Variants in CC2D2B observed in about 807,000 individuals in gnomAD.
CC2D2B encodes coiled-coil and C2 domain containing 2B, also known as protein CC2D2B.
CC2D2B carries 128 observed loss-of-function variants against 161.2 expected under a neutral mutation model. The observed-to-expected ratio is 0.79, with a 90% CI of 0.69 to 0.92. The LOEUF is 0.92. CC2D2B is among the 40% of genes least tolerant of loss of function. The probability of loss-of-function intolerance (pLI) is 0.00; values close to 1 mark genes in which losing one functional copy is unlikely to be tolerated. For missense variants in CC2D2B, 1,173 were observed against 1,375.1 expected (o/e 0.85, Z 2.32); for synonymous variants, 391 against 449.8 (o/e 0.87, Z 1.65).
At chr10:95,962,197 G>A (rs2076783851) in intron 12 of CC2D2B, among the ~76,000 whole-genome samples, 1 of 151,858 alleles carries the variant, frequency 6.6e-6, no homozygotes, top group Admixed American at 6.6e-5. Flanking sequence ...ATTAAACATG[G>A]GGAAATGATT....
chr10:96,015,529 T>C (rs2079161370), intron 29 of CC2D2B, among the ~76,000 whole-genome samples: 1 of 152,044 alleles, frequency 6.6e-6, no homozygotes, highest in South Asian at 2.1e-4. Flanking sequence ...TCTCTCTTTT[T>C]TTGACATTCT....
At chr10:95,973,534 A>G (rs867676872) in intron 16 of CC2D2B, among the ~76,000 whole-genome samples, 1 of 152,068 alleles carries the variant, frequency 6.6e-6, no homozygotes, top group Non-Finnish European at 1.5e-5. Flanking sequence ...GAAGGATCTT[A>G]GAGAGGAGAT....
At chr10:96,009,743 C>CT in intron 25 of CC2D2B, 82 bp from the exon 26 acceptor site, 1 of 522,380 alleles carries the variant, frequency 1.9e-6, no homozygotes, top group South Asian at 5.4e-5. Context: ...AAGAGAATGA[C>CT]TTTTTATATT....
intron 33 of CC2D2B, among the ~76,000 whole-genome samples, chr10:96,025,618 G>A (rs558802768): frequency 3.7e-4 from 57 of 152,300 alleles, no homozygotes; most frequent in African/African-American, 1.3e-3. Context: ...TGGTAAAAAT[G>A]TCCCAGTTAG....
At chr10:95,925,942 G>A (rs543871616) in intron 5 of CC2D2B, among the ~76,000 whole-genome samples, 112 of 152,118 alleles carry the variant, frequency 7.4e-4, no homozygotes, top group African/African-American at 2.6e-3. Context: ...AGAAAAGACT[G>A]TAATGAGCAA....
chr10:95,981,974 G>T lies in CC2D2B; in HGVS notation c.1944-1G>T. 8.2e-7 allele frequency: 1 copy of T among 1,223,540 alleles called. No homozygotes were observed. 75.8% of individuals were successfully genotyped at this position (1,223,540 alleles called of 1,614,324 possible). On this transcript the variant is annotated splice_acceptor_variant, in intron 17 of 34. Transcript: ENST00000646931. LOFTEE classifies it high-confidence loss of function. ...TTCACAAAATATTTTCTCTATGTTA[G>T]TATGTTAAGGAATGTAGATGCAAGA...
At chr10:95,938,994 TG>T (rs2075926639) in intron 9 of CC2D2B, 69 bp downstream of exon 9, 1 of 614,656 alleles carries the variant, frequency 1.6e-6, no homozygotes, top group African/African-American at 1.9e-5. Flanking sequence ...CTGGTGGTTT[TG>T]TGGTGTTGAT....
Position 96,019,804 on chromosome 10 carries a change from AC to A in CC2D2B, c.3869del (p.Thr1290LysfsTer11). 6.2e-7 allele frequency: 1 copy of A among 1,606,206 alleles called. No individual in the cohort carries two copies. Among genetic ancestry groups the A allele is most frequent in the Non-Finnish European group, 8.5e-7 (1 of 1,178,050 alleles). On this transcript the variant is annotated frameshift_variant, in exon 32 of 35. Coordinates refer to ENST00000646931, the MANE Select transcript of CC2D2B (RefSeq NM_001349008.3). LOFTEE classifies it high-confidence loss of function. ...KQLLPKNVQGTKIQSIQPEEI... is the reference protein window; with the variant it reads ...KQLLPKNVQGXKIQSIQPEEI... ...GTTGCTTCCAAAAAACGTTCAAGGA[AC>A]AAAAATACAAAGCATACAGGTAAAT...
At chr10:96,025,056 C>G (rs1590932950) in intron 33 of CC2D2B, 145 bp downstream of exon 33, 1 of 380,140 alleles carries the variant, frequency 2.6e-6, no homozygotes, top group East Asian at 5.3e-5. Context: ...CACCTATAAT[C>G]GCAGTTCTCT....
chr10:96,003,021 A>AATATATAT lies in CC2D2B; in HGVS notation c.2850-1115_2850-1108dup, dbSNP rs57187442. ...TAGACCCTGTCTCAAAAAATAAATA[A>AATATATAT]ATATATATATATATATATATATAGA... On this transcript the variant is annotated intron_variant, in intron 24 of 34. Transcript: ENST00000646931. 8.8e-4 allele frequency among the ~76,000 whole-genome samples: 124 copies of AATATATAT among 140,700 alleles called. 1 individual carries two copies. The highest frequency in any genetic ancestry group is 2.0e-3 in the African/African-American group (77 of 38,526). 92.3% of individuals were successfully genotyped at this position (140,700 alleles called of 152,430 possible). A position where few individuals can be genotyped will look rare whatever the true frequency, so the allele number is the denominator to read the frequency against.
At chr10:95,926,209 A>G (rs2098538099) in intron 5 of CC2D2B, among the ~76,000 whole-genome samples, 1 of 152,218 alleles carries the variant, frequency 6.6e-6, no homozygotes, top group Non-Finnish European at 1.5e-5. Flanking sequence ...ATAAAGAGTT[A>G]CAAAGTTTGT....
At chr10:95,993,656 C>G (rs2078038974) in intron 22 of CC2D2B, among the ~76,000 whole-genome samples, 1 of 149,320 alleles carries the variant, frequency 6.7e-6, no homozygotes. Context: ...AAATCACCAC[C>G]ATTTTCTATA....
At chr10:95,955,554 T>G (rs1244156539) in intron 11 of CC2D2B, 63 bp downstream of exon 11, 1 of 396,830 alleles carries the variant, frequency 2.5e-6, no homozygotes, top group Non-Finnish European at 4.5e-6. Context: ...GACAAAGTAC[T>G]GCACTTGCTA....
chr10:95,958,917 C>T (rs945432428), intron 11 of CC2D2B, among the ~76,000 whole-genome samples: 5 of 151,800 alleles, frequency 3.3e-5, no homozygotes, highest in African/African-American at 1.2e-4. Context: ...TCAGTACACT[C>T]AAAAGTTGGA....
chr10:95,935,681 G>A (rs180829646), intron 6 of CC2D2B, among the ~76,000 whole-genome samples: 45 of 152,172 alleles, frequency 3.0e-4, no homozygotes, highest in Admixed American at 3.9e-4. Flanking sequence ...CTGCCTCAGG[G>A]CCTTTGTACC....
chr10:95,916,541 G>C (rs1316800229), intron 2 of CC2D2B, among the ~76,000 whole-genome samples: 1 of 151,650 alleles, frequency 6.6e-6, no homozygotes, highest in Non-Finnish European at 1.5e-5. Context: ...ACTTATTGCT[G>C]TAAACTTTCC....
At chr10:96,004,118 A>G in intron 24 of CC2D2B, 34 bp from the exon 25 acceptor site, 1 of 1,239,506 alleles carries the variant, frequency 8.1e-7, no homozygotes, top group Non-Finnish European at 1.1e-6. Flanking sequence ...TTTTGAGAAA[A>G]TTAAGCATTT....
At chr10:96,010,945 A>G (rs879757108) in intron 26 of CC2D2B, among the ~76,000 whole-genome samples, 1 of 152,168 alleles carries the variant, frequency 6.6e-6, no homozygotes, top group Non-Finnish European at 1.5e-5. Flanking sequence ...AAATATATAC[A>G]AATCCTAGCT....
chr10:95,913,610 A>G (rs961001692), intron 2 of CC2D2B, among the ~76,000 whole-genome samples: 10 of 152,112 alleles, frequency 6.6e-5, no homozygotes, highest in Non-Finnish European at 1.2e-4. Context: ...CCCTTTCTCA[A>G]TGCTTTTGCC....
Sources: gnomAD v4.1 joint callset for allele counts (sites outside exome capture counted in the v4.1 genomes callset) on GRCh38, gnomAD v4.1.1 for gene constraint, MANE v1.5 for transcripts, NCBI Gene and HGNC (gene_info 2026-07-23, HGNC 2026-07-21) for gene names.